SORT1: variants seen among roughly 807,000 people sequenced by gnomAD.
SORT1 encodes the protein sortilin 1, also known as sortilin.
SORT1 carries 39 observed loss-of-function variants against 101.7 expected under a neutral mutation model. The ratio of observed to expected loss-of-function variants is 0.38; its 90% CI spans 0.30 to 0.50. The LOEUF (loss-of-function observed/expected upper bound fraction) is 0.50, where lower values mean the gene tolerates loss of function less well. SORT1 is among the 20% of genes least tolerant of loss of function. SORT1 has a pLI of 0.90. For synonymous variants in SORT1, 396 were observed against 393.7 expected, an observed-to-expected ratio of 1.01 and a Z score of -0.07; for missense variants, 878 against 1,040.4, an observed-to-expected ratio of 0.84 and a Z score of 2.15.
chr1:109,339,801 T>C (rs1055559856), intron 10 of SORT1, among the ~76,000 whole-genome samples: 1 of 152,160 alleles, frequency 6.6e-6, no homozygotes, highest in Non-Finnish European at 1.5e-5. Flanking sequence ...CATGGCAGCA[T>C]TCAGTATTCA....
intron 8 of SORT1, among the ~76,000 whole-genome samples, chr1:109,344,012 A>G (rs987285725): frequency 2.6e-5 from 4 of 152,212 alleles, no homozygotes; most frequent in Non-Finnish European, 5.9e-5. Flanking sequence ...GCCATCCTAG[A>G]AAATGGCACC....
At position 109,310,485 on chromosome 1, in the gene SORT1, A is replaced by G. The variant is rs1658661327; in HGVS notation, c.*3558T>C. The G allele has an allele frequency of 6.4e-6, 1 of 155,894 alleles. No individual in the cohort carries two copies. Among genetic ancestry groups the G allele is most frequent in the East Asian group, 1.9e-4 (1 of 5,202 alleles). The allele number at this position is 155,894 out of a possible 1,614,324, so 9.7% of individuals were successfully genotyped here. A position where few individuals can be genotyped will look rare whatever the true frequency, so the allele number is the denominator to read the frequency against. The stretch of plus-strand genomic sequence containing the variant: ...CTCCGGCCCTCCCTGTCACTTCATC[A>G]CACAGCAAATCTTAAAACTTTGGTT... On this transcript the variant is annotated 3_prime_UTR_variant, in exon 20 of 20. Coordinates refer to ENST00000256637, the MANE Select transcript of SORT1 (RefSeq NM_002959.7).
At chr1:109,358,682 T>C (rs1269769529) in intron 3 of SORT1, among the ~76,000 whole-genome samples, 2 of 152,006 alleles carry the variant, frequency 1.3e-5, no homozygotes, top group South Asian at 2.1e-4. Flanking sequence ...GGTGAAACCC[T>C]GTCTCTACTA....
At chr1:109,395,187 G>A (rs1653119693) in intron 1 of SORT1, among the ~76,000 whole-genome samples, 1 of 141,078 alleles carries the variant, frequency 7.1e-6, no homozygotes, top group Non-Finnish European at 1.5e-5. Flanking sequence ...AGAGACCACG[G>A]ATGACTAACA....
chr1:109,369,752 T>C (rs1448549500), intron 1 of SORT1, among the ~76,000 whole-genome samples, 163 bp from the exon 2 acceptor site: 4 of 152,204 alleles, frequency 2.6e-5, no homozygotes, highest in Non-Finnish European at 5.9e-5. Context: ...GGGATTTAAC[T>C]ACTTAATGTG....
At chr1:109,354,775 T>A (rs2101604130) in intron 4 of SORT1, among the ~76,000 whole-genome samples, 1 of 152,316 alleles carries the variant, frequency 6.6e-6, no homozygotes, top group Non-Finnish European at 1.5e-5. Flanking sequence ...TAACTGAGAT[T>A]AGTTTTCCAA....
chr1:109,316,125 A>G (rs1034297949), intron 17 of SORT1, among the ~76,000 whole-genome samples: 1 of 151,898 alleles, frequency 6.6e-6, no homozygotes, highest in Non-Finnish European at 1.5e-5. Flanking sequence ...CACTTTGAAC[A>G]TACTTAACAT....
rs550278340 is a variant in SORT1, at chr1:109,330,917, A to T, written c.1372-3316T>A. 5.3e-5 allele frequency among the ~76,000 whole-genome samples: 8 copies of T among 152,302 alleles called. No individual in the cohort carries two copies. The South Asian group carries it at 1.7e-3, about 32-fold the overall frequency. On this transcript the variant is annotated intron_variant, in intron 11 of 19. Transcript: ENST00000256637. ...ACAGCTTACCAAGACTGTATCATGA[A>T]GAAGAAATAGAAAATCTGAACATAC...
Position 109,311,031 on chromosome 1 carries a change from G to C in SORT1, c.*3012C>G, listed in dbSNP as rs1320533133. 6.6e-6 allele frequency: 1 copy of C among 152,314 alleles called. No homozygotes were observed. Among genetic ancestry groups the C allele is most frequent in the East Asian group, 1.9e-4 (1 of 5,174 alleles). The allele number at this position is 152,314 out of a possible 1,614,324, so 9.4% of individuals were successfully genotyped here. ...TAGATTCTACGTTCCAGTTACGGCT[G>C]ATCTATGGACTCTCCTGAGCCCGCC... is the stretch of plus-strand genomic sequence containing the variant. On this transcript the variant is annotated 3_prime_UTR_variant, in exon 20 of 20. Transcript: ENST00000256637.
At chr1:109,341,428 G>C (rs984923171) in intron 9 of SORT1, among the ~76,000 whole-genome samples, 4 of 151,668 alleles carry the variant, frequency 2.6e-5, no homozygotes, top group African/African-American at 9.7e-5. Context: ...CTCACTGCAA[G>C]CTCCACCTCC....
intron 10 of SORT1, among the ~76,000 whole-genome samples, chr1:109,339,777 T>C (rs1185145260): frequency 6.6e-6 from 1 of 152,196 alleles, no homozygotes; most frequent in Admixed American, 6.5e-5. Flanking sequence ...AACAGTTACA[T>C]GTATAACAAT....
intron 11 of SORT1, among the ~76,000 whole-genome samples, chr1:109,329,096 C>A (rs1211761808): frequency 6.6e-6 from 1 of 152,186 alleles, no homozygotes; most frequent in African/African-American, 2.4e-5. Context: ...TGTCAGTTGC[C>A]CCCCCAAGAA....
chr1:109,321,793 T>G (rs996717138), intron 15 of SORT1, among the ~76,000 whole-genome samples: 1 of 152,216 alleles, frequency 6.6e-6, no homozygotes, highest in African/African-American at 2.4e-5. Context: ...AAGATTATCA[T>G]CTGTGATGTG....
At position 109,312,338 on chromosome 1, in the gene SORT1, C is replaced by G. The variant is rs1446140772; in HGVS notation, c.*1705G>C. The G allele has an allele frequency of 6.6e-6, 1 of 152,562 alleles. No homozygotes were observed. Among genetic ancestry groups the G allele is most frequent in the African/African-American group, 2.4e-5 (1 of 41,420 alleles). The allele number at this position is 152,562 out of a possible 1,614,324, so 9.5% of individuals were successfully genotyped here. On this transcript the variant is annotated 3_prime_UTR_variant, in exon 20 of 20. Coordinates refer to ENST00000256637, the MANE Select transcript of SORT1 (RefSeq NM_002959.7). Reference sequence around the variant, plus strand: ...ATTATCTTCACAAAAACTGCCTCAACTTTATTTTCTAACTGAAGCTCCCTG... The same window carrying G: ...ATTATCTTCACAAAAACTGCCTCAAGTTTATTTTCTAACTGAAGCTCCCTG...
intron 7 of SORT1, 119 bp downstream of exon 7, chr1:109,347,364 T>C (rs1649672796): frequency 3.0e-6 from 2 of 656,434 alleles, no homozygotes; most frequent in African/African-American, 3.7e-5. Context: ...CAGCTTTCTT[T>C]AGCTATTACA....
intron 1 of SORT1, among the ~76,000 whole-genome samples, chr1:109,384,714 G>A (rs997975555): frequency 5.3e-5 from 8 of 152,194 alleles, no homozygotes; most frequent in Non-Finnish European, 8.8e-5. Context: ...AAGTCCAAGA[G>A]TATGGCATAG....
At chr1:109,320,919 G>A (rs1292834096) in intron 15 of SORT1, among the ~76,000 whole-genome samples, 16 of 145,610 alleles carry the variant, frequency 1.1e-4, no homozygotes, top group Admixed American at 1.1e-3. Flanking sequence ...TATTCAATCA[G>A]AAATTTCTGG....
At chr1:109,358,852 TAA>T (rs745825760) in intron 3 of SORT1, among the ~76,000 whole-genome samples, 41 of 130,588 alleles carry the variant, frequency 3.1e-4, no homozygotes, top group Admixed American at 3.1e-4. Flanking sequence ...GACTCCGTCT[TAA>T]AAAAAAAAAA....
intron 3 of SORT1, among the ~76,000 whole-genome samples, chr1:109,357,557 T>C (rs1650409283): frequency 6.6e-6 from 1 of 152,222 alleles, no homozygotes; most frequent in South Asian, 2.1e-4. Flanking sequence ...AAACTGGAGA[T>C]AACTTTTAAT....
Sources: gnomAD v4.1 joint callset for allele counts (sites outside exome capture counted in the v4.1 genomes callset) on GRCh38, gnomAD v4.1.1 for gene constraint, MANE v1.5 for transcripts, NCBI Gene and HGNC (gene_info 2026-07-23, HGNC 2026-07-21) for gene names.